Variants in HRH1 observed in about 807,000 individuals in gnomAD.
The protein encoded by HRH1 is histamine H1 receptor.
In HRH1, 6 loss-of-function variants were observed where a neutral mutation model predicts 10.3. The ratio of observed to expected loss-of-function variants is 0.58; its 90% CI spans 0.32 to 1.15. The LOEUF (loss-of-function observed/expected upper bound fraction) is 1.15. Ranked by LOEUF, HRH1 falls within the 50% of genes most tolerant of loss-of-function variation. The pLI, the probability that HRH1 is intolerant of heterozygous loss-of-function variation, is 0.05. For missense variants in HRH1, 514 were observed against 615.3 expected (o/e 0.84, Z 1.74); for synonymous variants, 242 against 236.7 (o/e 1.02, Z -0.21).
At chr3:11,201,107 G>C (rs1937889505) in intron 1 of HRH1, among the ~76,000 whole-genome samples, 1 of 152,198 alleles carries the variant, frequency 6.6e-6, no homozygotes, top group African/African-American at 2.4e-5. Flanking sequence ...GGTATCCAGA[G>C]GCCCGCTGCT....
At chr3:11,140,832 G>T (rs2124991271) in intron 1 of HRH1, among the ~76,000 whole-genome samples, 1 of 152,292 alleles carries the variant, frequency 6.6e-6, no homozygotes, top group East Asian at 1.9e-4. Context: ...GATGTATAAG[G>T]CTTTGTAAGT....
At chr3:11,213,710 T>C (rs1490649148) in intron 1 of HRH1, among the ~76,000 whole-genome samples, 1 of 152,178 alleles carries the variant, frequency 6.6e-6, no homozygotes, top group African/African-American at 2.4e-5. Flanking sequence ...GGTGGAGCCC[T>C]CATAGCCTAA....
At chr3:11,181,544 CT>C (rs2125017161) in intron 1 of HRH1, among the ~76,000 whole-genome samples, 1 of 151,034 alleles carries the variant, frequency 6.6e-6, no homozygotes, top group African/African-American at 2.4e-5. Flanking sequence ...GCATTGATGG[CT>C]AATGATGTTG....
chr3:11,148,195 A>G (rs1220188795), intron 1 of HRH1, among the ~76,000 whole-genome samples: 7 of 151,358 alleles, frequency 4.6e-5, no homozygotes, highest in South Asian at 2.1e-4. Context: ...AAAAAAAAAA[A>G]AAAGAAAAGA....
intron 1 of HRH1, among the ~76,000 whole-genome samples, chr3:11,172,717 T>G (rs975784383): frequency 2.1e-5 from 3 of 146,064 alleles, no homozygotes; most frequent in Non-Finnish European, 3.0e-5. Flanking sequence ...TTTTTTTTTT[T>G]TTTGAGATGG....
At position 11,259,667 on chromosome 3, in the gene HRH1, T is replaced by A; in HGVS notation, c.630T>A (p.Tyr210Ter). 1.2e-6 allele frequency: 2 copies of A among 1,613,894 alleles called. No homozygotes were observed. Among genetic ancestry groups the A allele is most frequent in the Non-Finnish European group, 1.7e-6 (2 of 1,179,992 alleles). The change falls in exon 2 of 2, where the codon TAT (tyrosine) becomes TAA (stop). Residue 210 changes from tyrosine to a stop codon, truncating the protein, a stop_gained. Coordinates refer to ENST00000431010, the MANE Select transcript of HRH1 (RefSeq NM_001098212.2). LOFTEE classifies it low-confidence loss of function (END_TRUNC). The surrounding 1 kb of genome is among the most constrained non-coding windows in gnomAD (Gnocchi z 4.6). ...YLPTLLMLWF[Y>*]AKIYKAVRQH... Reference sequence around the variant, plus strand: ...CCACCTTGCTCATGCTCTGGTTCTATGCCAAGATCTACAAGGCCGTACGAC... The same window carrying A: ...CCACCTTGCTCATGCTCTGGTTCTAAGCCAAGATCTACAAGGCCGTACGAC...
rs1273283671 is a variant in HRH1, at chr3:11,260,863, GC to G, written c.*363del. ...GAGCCTCAGACTCATTGTAATTCAA[GC>G]TTTCCGAGTCAAGTGATTGACAACT... On this transcript the variant is annotated 3_prime_UTR_variant, in exon 2 of 2. Coordinates refer to ENST00000431010, the MANE Select transcript of HRH1 (RefSeq NM_001098212.2). The G allele has an allele frequency of 4.7e-6, 1 of 212,510 alleles. No homozygotes were observed. The highest frequency in any genetic ancestry group is 1.0e-5 in the Non-Finnish European group (1 of 96,660). 13.2% of individuals were successfully genotyped at this position (212,510 alleles called of 1,614,324 possible).
chr3:11,211,156 CAA>C (rs1938314445), intron 1 of HRH1, among the ~76,000 whole-genome samples: 1 of 152,186 alleles, frequency 6.6e-6, no homozygotes, highest in African/African-American at 2.4e-5. Context: ...TTAGAAATAA[CAA>C]GAGAAGGGCA....
chr3:11,152,138 G>A (rs1936644482), upstream of HRH1, among the ~76,000 whole-genome samples: 1 of 152,116 alleles, frequency 6.6e-6, no homozygotes, highest in Non-Finnish European at 1.5e-5. Context: ...TCATCTCTTT[G>A]TTTTCTCATT....
At chr3:11,164,443 G>A (rs1474369205) in intron 1 of HRH1, among the ~76,000 whole-genome samples, 3 of 152,186 alleles carry the variant, frequency 2.0e-5, no homozygotes, top group African/African-American at 7.2e-5. Context: ...TCATCAGGAT[G>A]TAAAATAAAT....
At position 11,260,368 on chromosome 3, in the gene HRH1, G is replaced by A; in HGVS notation, c.1331G>A (p.Cys444Tyr). 3 of 1,614,158 alleles carry A rather than the reference G, an allele frequency of 1.9e-6. No individual in the cohort carries two copies. Among genetic ancestry groups the A allele is most frequent in the African/African-American group, 1.3e-5 (1 of 75,038 alleles). Residue 444 changes from cysteine to tyrosine, a missense_variant, in exon 2 of 2, where the codon TGT becomes TAT. Cys to Tyr is a radical substitution (Grantham distance 194). Coordinates refer to ENST00000431010, the MANE Select transcript of HRH1 (RefSeq NM_001098212.2). ...ATGGTCATTGCCTTCTGCAAGAACT[G>A]TTGCAATGAACATTTGCACATGTTC... ...FFMVIAFCKN[C>Y]CNEHLHMFTI...
intron 1 of HRH1, among the ~76,000 whole-genome samples, chr3:11,245,939 T>G (rs565306508): frequency 1.3e-5 from 2 of 151,122 alleles, no homozygotes; most frequent in African/African-American, 4.9e-5. Flanking sequence ...ACATACACAC[T>G]CACACTCACT....
chr3:11,138,323 A>C (rs112568938), intron 1 of HRH1, among the ~76,000 whole-genome samples: 1 of 151,900 alleles, frequency 6.6e-6, no homozygotes, highest in Non-Finnish European at 1.5e-5. Flanking sequence ...CGCCCAGCCT[A>C]AACAAGGAAC....
At chr3:11,237,272 C>T (rs1264674689) in intron 1 of HRH1, among the ~76,000 whole-genome samples, 2 of 152,196 alleles carry the variant, frequency 1.3e-5, no homozygotes, top group Non-Finnish European at 2.9e-5. Flanking sequence ...CCTTTTCTCA[C>T]GTTAGCACGG....
rs144237184 is a variant in HRH1, at chr3:11,207,866, G to A, written c.-35-51137G>A. ...GCGGGCATCCTTGTGTACCCAGCGGGCCTGTCTGGCCCATGCCCCAACATC... is the reference window on the plus strand; with the variant it reads ...GCGGGCATCCTTGTGTACCCAGCGGACCTGTCTGGCCCATGCCCCAACATC... On this transcript the variant is annotated intron_variant, in intron 1 of 1. Transcript: ENST00000431010. Among the ~76,000 whole-genome samples, 375 of 152,292 alleles carry A rather than the reference G, an allele frequency of 2.5e-3. 15 individuals are homozygous for A. In the East Asian group the frequency reaches 0.067, roughly 27 times the overall value.
intron 1 of HRH1, among the ~76,000 whole-genome samples, chr3:11,163,327 A>G (rs1337290980): frequency 6.6e-6 from 1 of 152,128 alleles, no homozygotes; most frequent in East Asian, 1.9e-4. Flanking sequence ...AAATCCAGTG[A>G]CATCCTCTGC....
chr3:11,165,800 T>A (rs1937018440), intron 1 of HRH1, among the ~76,000 whole-genome samples: 2 of 152,208 alleles, frequency 1.3e-5, no homozygotes, highest in Admixed American at 1.3e-4. Context: ...GCACTAAATG[T>A]TACTTTGAAA....
chr3:11,205,666 C>CTTT (rs1334327486), intron 1 of HRH1, among the ~76,000 whole-genome samples: 11 of 141,420 alleles, frequency 7.8e-5, no homozygotes, highest in African/African-American at 2.3e-4. Context: ...CACAGGTTTT[C>CTTT]TTTTTTTTTT....
chr3:11,148,685 A>G (rs1486108239), intron 1 of HRH1, among the ~76,000 whole-genome samples: 1 of 152,148 alleles, frequency 6.6e-6, no homozygotes, highest in East Asian at 1.9e-4. Context: ...TCATCACAAC[A>G]CTTCCCCTCA....
Sources: allele counts gnomAD v4.1 joint callset (sites outside exome capture counted in the v4.1 genomes callset), GRCh38; gene constraint gnomAD v4.1.1; non-coding constraint Gnocchi (gnomAD v3.1); transcripts MANE v1.5; gene names NCBI Gene and HGNC (gene_info 2026-07-23, HGNC 2026-07-21).